The following ARHGAP18 variants were observed in gnomAD, a reference collection of about 807,000 sequenced individuals.
The protein encoded by ARHGAP18 is rho GTPase-activating protein 18.
A neutral mutation model predicts 86.2 loss-of-function variants in ARHGAP18; 67 were observed. The observed-to-expected ratio is 0.78, with a 90% CI of 0.64 to 0.95. ARHGAP18 has a LOEUF of 0.95. ARHGAP18 is among the 40% of genes least tolerant of loss of function. The pLI, the probability that ARHGAP18 is intolerant of heterozygous loss-of-function variation, is 0.00. For synonymous variants in ARHGAP18, 283 were observed against 280.4 expected, an observed-to-expected ratio of 1.01 and a Z score of -0.09; for missense variants, 691 against 780.4, an observed-to-expected ratio of 0.89 and a Z score of 1.37.
At chr6:129,641,699 A>G in intron 2 of ARHGAP18, 117 bp downstream of exon 2, 1 of 906,588 alleles carries the variant, frequency 1.1e-6, no homozygotes, top group Non-Finnish European at 1.7e-6. Context: ...GTTGAAAGGC[A>G]GTATCTTTTT....
At chr6:129,686,740 A>T (rs1207812481) in intron 1 of ARHGAP18, among the ~76,000 whole-genome samples, 1 of 151,284 alleles carries the variant, frequency 6.6e-6, no homozygotes, top group Non-Finnish European at 1.5e-5. Context: ...TTCAGGAGTC[A>T]GGGGAGTCAT....
chr6:129,637,168 A>G (rs1438388522), intron 3 of ARHGAP18, among the ~76,000 whole-genome samples: 1 of 151,734 alleles, frequency 6.6e-6, no homozygotes, highest in African/African-American at 2.4e-5. Flanking sequence ...GGGCTCAAGC[A>G]ATCCTCTGGC....
At chr6:129,688,169 C>G (rs138013521) in intron 1 of ARHGAP18, among the ~76,000 whole-genome samples, 1 of 152,316 alleles carries the variant, frequency 6.6e-6, no homozygotes, top group African/African-American at 2.4e-5. Context: ...CCAAGAGCCA[C>G]GTCAGCATCC....
intron 12 of ARHGAP18, 61 bp downstream of exon 12, chr6:129,599,155 A>C: frequency 9.6e-7 from 1 of 1,036,794 alleles, no homozygotes; most frequent in Non-Finnish European, 1.3e-6. Flanking sequence ...TAAATAAAAA[A>C]TTTTGGTATT....
At chr6:129,612,024 A>G (rs1160494865) in intron 7 of ARHGAP18, among the ~76,000 whole-genome samples, 1 of 152,240 alleles carries the variant, frequency 6.6e-6, no homozygotes. Context: ...CCAAGAAAGA[A>G]TTATTTATGA....
At position 129,605,908 on chromosome 6, in the gene ARHGAP18, A is replaced by G. The variant is rs781400499; in HGVS notation, c.1334T>C (p.Leu445Pro). 1.9e-5 allele frequency: 31 copies of G among 1,613,578 alleles called. No individual in the cohort carries two copies. Among genetic ancestry groups the G allele is most frequent in the Non-Finnish European group, 2.5e-5 (30 of 1,179,588 alleles). ...TGTGTCCCTGTTTGCATCAGGTAGGAGGATGACAAGAAGGTTCAAAGCCTG... is the reference window on the plus strand; with the variant it reads ...TGTGTCCCTGTTTGCATCAGGTAGGGGGATGACAAGAAGGTTCAAAGCCTG... ...QLQALNLLVI[L>P]LPDANRDTLK... The change falls in exon 10 of 15, where the codon CTC becomes CCC. Residue 445 changes from leucine (L) to proline (P), a missense_variant. By Grantham distance (98) the Leu-to-Pro change is moderately conservative (BLOSUM62 -3). Transcript: ENST00000368149.
At chr6:129,667,720 T>C (rs1296549184) in intron 1 of ARHGAP18, among the ~76,000 whole-genome samples, 1 of 151,872 alleles carries the variant, frequency 6.6e-6, no homozygotes, top group Non-Finnish European at 1.5e-5. Context: ...AAGGAGAAAC[T>C]GACAAGAAAT....
chr6:129,691,237 T>C (rs529594699), intron 1 of ARHGAP18, among the ~76,000 whole-genome samples: 39 of 152,298 alleles, frequency 2.6e-4, no homozygotes, highest in African/African-American at 9.1e-4. Flanking sequence ...ACCTTATGCC[T>C]TGATAAAGAC....
In ARHGAP18 at chr6:129,629,538, G is replaced by T; in HGVS notation, c.617-16C>A. ...GATGCCTCGTCTAGGGGCCCGGGGGGAAAGAACCCAATTCATATGCTTTAT... is the reference window on the plus strand; with the variant it reads ...GATGCCTCGTCTAGGGGCCCGGGGGTAAAGAACCCAATTCATATGCTTTAT... On this transcript the variant is annotated splice_polypyrimidine_tract_variant and intron_variant, in intron 4 of 14. Transcript: ENST00000368149. The T allele has an allele frequency of 6.3e-7, 1 of 1,593,634 alleles. No individual in the cohort carries two copies. The highest frequency in any genetic ancestry group is 1.4e-5 in the African/African-American group (1 of 73,516).
chr6:129,627,024 A>G lies in ARHGAP18; in HGVS notation c.786+2329T>C, dbSNP rs113574901. ...CGGAATCAGAGTTTCCTGCAGAAAC[A>G]TATCAGTCTAGGTCTGGAACAGAAA... On this transcript the variant is annotated intron_variant, in intron 5 of 14. Transcript: ENST00000368149. 6.9e-3 allele frequency among the ~76,000 whole-genome samples: 1,046 copies of G among 152,232 alleles called. 10 individuals are homozygous for G. The highest frequency in any genetic ancestry group is 0.023 in the African/African-American group (968 of 41,548).
At chr6:129,586,824 A>C (rs1228647593) in intron 12 of ARHGAP18, among the ~76,000 whole-genome samples, 1 of 152,058 alleles carries the variant, frequency 6.6e-6, no homozygotes, top group African/African-American at 2.4e-5. Context: ...GCCCAGCAGC[A>C]CTCCAAGCTT....
intron 3 of ARHGAP18, among the ~76,000 whole-genome samples, chr6:129,636,604 C>T (rs761436323): frequency 9.2e-5 from 14 of 152,174 alleles, no homozygotes; most frequent in Non-Finnish European, 1.6e-4. Flanking sequence ...TGGCCAGGTG[C>T]GGTGGCTCAC....
intron 9 of ARHGAP18, 93 bp downstream of exon 9, chr6:129,607,800 C>G: frequency 7.4e-7 from 1 of 1,349,970 alleles, no homozygotes; most frequent in South Asian, 1.9e-5. Flanking sequence ...CCAAATACGT[C>G]TGGTTGCGTT....
chr6:129,643,820 G>A (rs566630638), intron 1 of ARHGAP18, among the ~76,000 whole-genome samples: 1 of 152,256 alleles, frequency 6.6e-6, no homozygotes, highest in East Asian at 1.9e-4. Context: ...AAAATAGTAG[G>A]ATTTTAATAG....
chr6:129,707,877 A>G (rs1260176717), intron 1 of ARHGAP18, among the ~76,000 whole-genome samples: 1 of 151,734 alleles, frequency 6.6e-6, no homozygotes, highest in Non-Finnish European at 1.5e-5. Flanking sequence ...TCAACCATCA[A>G]CCTTGCACCT....
chr6:129,651,767 G>C (rs963069750), intron 1 of ARHGAP18, among the ~76,000 whole-genome samples: 5 of 152,122 alleles, frequency 3.3e-5, no homozygotes, highest in Non-Finnish European at 5.9e-5. Flanking sequence ...ATTAATTCCT[G>C]AGATTTAGAC....
At chr6:129,669,629 T>C (rs868233563) in intron 1 of ARHGAP18, among the ~76,000 whole-genome samples, 4 of 151,818 alleles carry the variant, frequency 2.6e-5, no homozygotes, top group African/African-American at 4.8e-5. Flanking sequence ...CTATTAAAAA[T>C]ACAAAATTAG....
chr6:129,655,119 G>A (rs113377852), intron 1 of ARHGAP18, among the ~76,000 whole-genome samples: 9,511 of 152,028 alleles, frequency 0.063, 431 homozygotes, highest in Middle Eastern at 0.13. Flanking sequence ...TCAGGAGTTC[G>A]AGACCAGCCT....
chr6:129,681,483 A>G (rs2114537363), intron 1 of ARHGAP18, among the ~76,000 whole-genome samples: 1 of 152,372 alleles, frequency 6.6e-6, no homozygotes, highest in African/African-American at 2.4e-5. Flanking sequence ...CTGCTTGTAT[A>G]TAAGCCCCAT....
Sources: allele counts gnomAD v4.1 joint callset (sites outside exome capture counted in the v4.1 genomes callset), GRCh38; gene constraint gnomAD v4.1.1; transcripts MANE v1.5; gene names NCBI Gene and HGNC (gene_info 2026-07-23, HGNC 2026-07-21).